The following WDR18 variants were observed in gnomAD, a reference collection of about 807,000 sequenced individuals.
WDR18 encodes WD repeat-containing protein 18.
WDR18 carries 33 observed loss-of-function variants against 49.6 expected under a neutral mutation model. That is an observed-to-expected ratio of 0.67 (90% CI 0.50 to 0.89). The LOEUF is 0.89. Ranked by LOEUF, WDR18 falls within the 40% of genes least tolerant of loss-of-function variation. The pLI is 0.00. For synonymous variants in WDR18, 315 were observed against 263.6 expected (o/e 1.19, Z -1.89); for missense variants, 653 against 593.6 (o/e 1.10, Z -1.04).
rs368259525 is a variant in WDR18, at chr19:991,981, C to T, written c.958C>T (p.Leu320=). The T allele has an allele frequency of 3.6e-5, 58 of 1,595,300 alleles. No homozygotes were observed. In the African/African-American group the frequency reaches 6.8e-4, roughly 19 times the overall value. The change falls in exon 8 of 10, where the codon CTG becomes TTG. Residue 320 remains leucine, a synonymous_variant. Transcript: ENST00000585809. Reference sequence around the variant, plus strand: ...CCCAGTCACCAATGCCGCCATCCTGCTGGCGCCCGTCAGCATGCTGAGCTC... The same window carrying T: ...CCCAGTCACCAATGCCGCCATCCTGTTGGCGCCCGTCAGCATGCTGAGCTC... ...KGPVTNAAIL[L]APVSMLSSDF...
At chr19:992,679 G>A (rs779855456) in intron 8 of WDR18, among the ~76,000 whole-genome samples, 1 of 152,170 alleles carries the variant, frequency 6.6e-6, no homozygotes, top group African/African-American at 2.4e-5. Context: ...AGTGACTTCC[G>A]GAACACTTCC....
At chr19:990,797 G>T in intron 4 of WDR18, 55 bp from the exon 5 acceptor site, 1 of 1,540,668 alleles carries the variant, frequency 6.5e-7, no homozygotes, top group South Asian at 1.3e-5. Context: ...TGTTCCCATG[G>T]GGTCCTCGGG....
upstream of WDR18, among the ~76,000 whole-genome samples, chr19:983,622 G>A (rs1303448990): frequency 1.3e-5 from 2 of 151,632 alleles, no homozygotes; most frequent in Non-Finnish European, 2.9e-5. Context: ...GTGACATGAA[G>A]TTAGACCCTG....
At chr19:986,757 CAG>C (rs1490712928) in intron 2 of WDR18, among the ~76,000 whole-genome samples, 1 of 152,166 alleles carries the variant, frequency 6.6e-6, no homozygotes, top group Non-Finnish European at 1.5e-5. Flanking sequence ...TGAGTGGGCA[CAG>C]AGATGTGCCA....
intron 7 of WDR18, among the ~76,000 whole-genome samples, chr19:991,633 T>A (rs1343726295): frequency 2.2e-5 from 1 of 46,180 alleles, no homozygotes; most frequent in Non-Finnish European, 3.9e-5. Context: ...GGGCGTGGAC[T>A]GGCTGGGGGC....
chr19:994,050 G>A lies in WDR18; in HGVS notation c.1129G>A (p.Glu377Lys). The A allele has an allele frequency of 6.4e-7, 1 of 1,561,198 alleles. No individual in the cohort carries two copies. Among genetic ancestry groups the A allele is most frequent in the Non-Finnish European group, 8.7e-7 (1 of 1,153,936 alleles). The change falls in exon 9 of 10, where the codon GAG becomes AAG. Residue 377 changes from glutamate to lysine, a missense_variant. Physicochemically the swap from Glu to Lys is moderately conservative, Grantham distance 56. Coordinates refer to ENST00000585809, the MANE Select transcript of WDR18 (RefSeq NM_024100.4). ...GGAGCCCAGCTACCTGGACCGCACG[G>A]AGCAGCTGCAGGCCGTCCTGTGCAG... ...GSEPSYLDRT[E>K]QLQAVLCSTM...
In WDR18 at chr19:984,426, C is replaced by T. The variant is rs2038452431; in HGVS notation, c.73C>T (p.Leu25Phe). 6.2e-7 allele frequency: 1 copy of T among 1,603,814 alleles called. No individual in the cohort carries two copies. The highest frequency in any genetic ancestry group is 1.1e-5 in the South Asian group (1 of 89,286). Reference sequence around the variant, plus strand: ...GATGTGGAGCTGCATCGTGTGGGAACTTCACTCGGGCGCCAACCTGCTCAC... The same window carrying T: ...GATGTGGAGCTGCATCGTGTGGGAATTTCACTCGGGCGCCAACCTGCTCAC... ...APMWSCIVWE[L>F]HSGANLLTYR... Residue 25 changes from leucine to phenylalanine, a missense_variant, in exon 1 of 10, where the codon CTT (leucine) becomes TTT (phenylalanine). Leu to Phe is a conservative substitution (Grantham distance 22). Transcript: ENST00000585809.
chr19:988,835 C>T (rs772536390), intron 2 of WDR18, among the ~76,000 whole-genome samples: 10 of 152,146 alleles, frequency 6.6e-5, no homozygotes, highest in Non-Finnish European at 1.3e-4. Flanking sequence ...TTACAACAAC[C>T]GGGACACATG....
rs570208771 is a variant in WDR18, at chr19:994,503, G to C, written c.*159G>C. ...TGTGACTGGGCCGTCTTGGTGTCTC[G>C]TGGCACGCGTCACAGTGGTGCTAGT... is the stretch of plus-strand genomic sequence containing the variant. On this transcript the variant is annotated 3_prime_UTR_variant, in exon 10 of 10. Transcript: ENST00000585809. 114 of 1,037,926 alleles carry C rather than the reference G, an allele frequency of 1.1e-4. No homozygotes were observed. The highest frequency in any genetic ancestry group is 1.5e-4 in the Non-Finnish European group (110 of 735,478). 64.3% of individuals were successfully genotyped at this position (1,037,926 alleles called of 1,614,324 possible).
chr19:983,112 T>C (rs1190062984), upstream of WDR18, among the ~76,000 whole-genome samples: 1 of 152,146 alleles, frequency 6.6e-6, no homozygotes, highest in East Asian at 1.9e-4. Flanking sequence ...TTTTATCCCT[T>C]TTTAAGGGGT....
At chr19:989,020 C>G (rs3815159) in intron 2 of WDR18, among the ~76,000 whole-genome samples, 1 of 103,484 alleles carries the variant, frequency 9.7e-6, no homozygotes, top group African/African-American at 3.6e-5. Flanking sequence ...GAATCCACAA[C>G]CCCCCACAGA....
rs1434793726 is a variant in WDR18 at position 984,419 on chromosome 19, G to A, written c.66G>A (p.Val22=). The change falls in exon 1 of 10, where the codon GTG becomes GTA. Residue 22 remains valine, a synonymous_variant. Transcript: ENST00000585809. ...CGGCCCCGATGTGGAGCTGCATCGT[G>A]TGGGAACTTCACTCGGGCGCCAACC... ...DSAAPMWSCI[V]WELHSGANLL... 3 of 1,605,042 alleles carry A rather than the reference G, an allele frequency of 1.9e-6. No individual in the cohort carries two copies. The highest frequency in any genetic ancestry group is 2.5e-6 in the Non-Finnish European group (3 of 1,176,964).
intron 8 of WDR18, among the ~76,000 whole-genome samples, chr19:992,796 G>A (rs1037841851): frequency 6.6e-6 from 1 of 152,218 alleles, no homozygotes; most frequent in Non-Finnish European, 1.5e-5. Context: ...GTGTGTTTCC[G>A]CCTCACTCCC....
intron 4 of WDR18, 63 bp from the exon 5 acceptor site, chr19:990,789 T>A: frequency 1.3e-6 from 2 of 1,530,940 alleles, no homozygotes; most frequent in Non-Finnish European, 1.8e-6. Flanking sequence ...GGTGCCCCTG[T>A]TCCCATGGGG....
intron 3 of WDR18, 87 bp from the exon 4 acceptor site, chr19:990,136 G>A (rs963810723): frequency 2.1e-6 from 3 of 1,452,272 alleles, no homozygotes; most frequent in Admixed American, 2.3e-5. Flanking sequence ...GTGGAGGCAG[G>A]TGTGTGCGTG....
rs746459064 is a variant in WDR18 at position 990,368 on chromosome 19, C to T, written c.597+4C>T. ...CTCACTGGACCAGACGGTGAAGGTA[C>T]GCCGCCCCCACCCCACCACGGTCCA... is the stretch of plus-strand genomic sequence containing the variant. On this transcript the variant is annotated splice_donor_region_variant and intron_variant, in intron 4 of 9. Coordinates refer to ENST00000585809, the MANE Select transcript of WDR18 (RefSeq NM_024100.4). 46 of 1,543,622 alleles carry T rather than the reference C, an allele frequency of 3.0e-5. No individual in the cohort carries two copies. The Admixed American group carries it at 4.4e-4, about 15-fold the overall frequency.
At position 985,920 on chromosome 19, in the gene WDR18, C is replaced by CT. The variant is rs2038469803; in HGVS notation, c.266_267insT (p.Pro90ThrfsTer126). ...GGGCCTGTCACCTGTCTGACTGCATCACCCAATGGTCTCTACGTCCTGGCA... is the reference window on the plus strand; with the variant it reads ...GGGCCTGTCACCTGTCTGACTGCATCTACCCAATGGTCTCTACGTCCTGGCA... On this transcript the variant is annotated frameshift_variant, in exon 2 of 10. Coordinates refer to ENST00000585809, the MANE Select transcript of WDR18 (RefSeq NM_024100.4). LOFTEE classifies it high-confidence loss of function. 1 of 1,613,870 alleles carries CT rather than the reference C, an allele frequency of 6.2e-7. No individual in the cohort carries two copies. The highest frequency in any genetic ancestry group is 8.5e-7 in the Non-Finnish European group (1 of 1,180,006).
chr19:990,343 C>T lies in WDR18; in HGVS notation c.576C>T (p.Ser192=), dbSNP rs778848554. 3.2e-6 allele frequency: 5 copies of T among 1,584,806 alleles called. No individual in the cohort carries two copies. The highest frequency in any genetic ancestry group is 2.7e-5 in the African/African-American group (2 of 74,498). The change falls in exon 4 of 10, where the codon TCC becomes TCT. Residue 192 remains serine (S), a synonymous_variant. Coordinates refer to ENST00000585809, the MANE Select transcript of WDR18 (RefSeq NM_024100.4). ...GCCCCCTGGCCCGGGTGGCCACCTC[C>T]TCACTGGACCAGACGGTGAAGGTAC... ...FGGPLARVAT[S]SLDQTVKLWE... is the part of the protein sequence containing the mutation.
rs113965100 is a variant in WDR18 at position 991,287 on chromosome 19, C to T, written c.867C>T (p.His289=). The change falls in exon 7 of 10, where the codon CAC becomes CAT. Residue 289 remains histidine, a synonymous_variant. Coordinates refer to ENST00000585809, the MANE Select transcript of WDR18 (RefSeq NM_024100.4). ...TDGSVLLSGS[H]DETVRLWDVQ... Reference sequence around the variant, plus strand: ...GCAGCGTGCTGCTCTCAGGCTCCCACGACGAGACCGTGCGCCTCTGGGACG... The same window carrying T: ...GCAGCGTGCTGCTCTCAGGCTCCCATGACGAGACCGTGCGCCTCTGGGACG... 181 of 1,564,892 alleles carry T rather than the reference C, an allele frequency of 1.2e-4. No homozygotes were observed. The African/African-American group carries it at 2.3e-3, about 20-fold the overall frequency.
Sources: gnomAD v4.1 joint callset for allele counts (sites outside exome capture counted in the v4.1 genomes callset) on GRCh38, gnomAD v4.1.1 for gene constraint, MANE v1.5 for transcripts, NCBI Gene and HGNC (gene_info 2026-07-23, HGNC 2026-07-21) for gene names.